TRPC5: variants seen among roughly 807,000 people sequenced by gnomAD.
TRPC5 encodes the protein transient receptor potential cation channel subfamily C member 5.
A neutral mutation model predicts 56.5 loss-of-function variants in TRPC5; 9 were observed. The observed-to-expected ratio is 0.16, with a 90% confidence interval of 0.10 to 0.28. The LOEUF (loss-of-function observed/expected upper bound fraction) is 0.28. TRPC5 is among the 10% of genes least tolerant of loss of function. The probability of loss-of-function intolerance (pLI) is 1.00; values close to 1 mark genes in which losing one functional copy is unlikely to be tolerated. For missense variants in TRPC5, 469 were observed against 748.9 expected (o/e 0.63, Z 4.36); for synonymous variants, 282 against 278.5 (o/e 1.01, Z -0.13).
At position 111,891,117 on chromosome X, in the gene TRPC5, G is replaced by C. The variant is rs1304566806; in HGVS notation, c.900+21174C>G. On this transcript the variant is annotated intron_variant, in intron 3 of 10. Coordinates refer to ENST00000262839, the MANE Select transcript of TRPC5 (RefSeq NM_012471.3). ...CATTTTCTTTATCCAATCTACCATT[G>C]ATGGGCATTTAGGTTGATTCCATGT... 1.2e-4 allele frequency among the ~76,000 whole-genome samples: 13 copies of C among 111,989 alleles called. No individual in the cohort carries two copies. The Admixed American group carries it at 1.2e-3, about 11-fold the overall frequency.
chrX:112,076,463 G>T (rs1235003813), intron 1 of TRPC5, among the ~76,000 whole-genome samples: 1 of 111,360 alleles, frequency 9.0e-6, no homozygotes, highest in Non-Finnish European at 1.9e-5. Flanking sequence ...CTACAAAATA[G>T]TAATAGCTAT....
intron 1 of TRPC5, among the ~76,000 whole-genome samples, chrX:112,046,190 C>A (rs1224579505): frequency 5.2e-5 from 5 of 96,246 alleles, no homozygotes; most frequent in African/African-American, 2.3e-4. Flanking sequence ...TACCGCCACC[C>A]CCACCTTTTT....
chrX:111,970,782 T>A (rs1277857761), intron 1 of TRPC5, among the ~76,000 whole-genome samples: 2 of 106,311 alleles, frequency 1.9e-5, no homozygotes, highest in East Asian at 5.8e-4. Context: ...ACCGTTTTTT[T>A]TTTTTTTGAC....
In TRPC5 at chrX:111,770,129, G is replaced by T. The variant is rs1219340095; in HGVS notation, c.*6184C>A. ...TTTATGTTTATTCCAAATTTATGAG[G>T]CTAAAAGATGACAGCAGATACATAA... On this transcript the variant is annotated 3_prime_UTR_variant, in exon 11 of 11. Coordinates refer to ENST00000262839, the MANE Select transcript of TRPC5 (RefSeq NM_012471.3). Among the ~76,000 whole-genome samples, 2 of 111,866 alleles carry T rather than the reference G, an allele frequency of 1.8e-5. No homozygotes were observed. Among genetic ancestry groups the T allele is most frequent in the Admixed American group, 1.9e-4 (2 of 10,532 alleles).
rs754547890 is a variant in TRPC5 at position 111,776,131 on chromosome X, GAAAGTAATAATA to G, written c.*170_*181del. 1.4e-5 allele frequency: 6 copies of G among 420,942 alleles called. No individual in the cohort carries two copies. The highest frequency in any genetic ancestry group is 1.9e-5 in the Non-Finnish European group (5 of 257,453). 34.7% of individuals were successfully genotyped at this position (420,942 alleles called of 1,213,427 possible). On this transcript the variant is annotated 3_prime_UTR_variant, in exon 11 of 11. Coordinates refer to ENST00000262839, the MANE Select transcript of TRPC5 (RefSeq NM_012471.3). The stretch of plus-strand genomic sequence containing the variant: ...AGGTATTAAAAAGGCAAATAATAAT[GAAAGTAATAATA>G]AAACAAGAACAAAAATGGAGAATGT...
rs751026675 is a variant in TRPC5, at chrX:111,830,454, T to C, written c.1896+4467A>G. Among the ~76,000 whole-genome samples, 96 of 111,586 alleles carry C rather than the reference T, an allele frequency of 8.6e-4. 2 individuals carry two copies. The highest frequency in any genetic ancestry group is 3.1e-3 in the African/African-American group (96 of 30,734). ...CATGAGATTTGGGAGGGGCCAGGGA[T>C]GGAATGATATGGTTTGACTGTGTCC... On this transcript the variant is annotated intron_variant, in intron 7 of 10. Coordinates refer to ENST00000262839, the MANE Select transcript of TRPC5 (RefSeq NM_012471.3).
chrX:111,804,603 T>C (rs1231792426), intron 7 of TRPC5, among the ~76,000 whole-genome samples: 1 of 111,661 alleles, frequency 9.0e-6, no homozygotes, highest in African/African-American at 3.3e-5. Flanking sequence ...TATTTTATTC[T>C]TTTTGTAGCA....
At chrX:111,909,478 T>C (rs1484075764) in intron 3 of TRPC5, among the ~76,000 whole-genome samples, 3 of 111,074 alleles carry the variant, frequency 2.7e-5, no homozygotes, top group Non-Finnish European at 5.7e-5. Flanking sequence ...TGCATCCTAG[T>C]GACGATGGAT....
rs1464777474 is a variant in TRPC5, at chrX:111,937,730, G to A, written c.378+14313C>T. Among the ~76,000 whole-genome samples, 55 of 98,709 alleles carry A rather than the reference G, an allele frequency of 5.6e-4. 2 individuals are homozygous for A. The highest frequency in any genetic ancestry group is 2.0e-3 in the African/African-American group (53 of 26,585). 85.7% of individuals were successfully genotyped at this position (98,709 alleles called of 115,157 possible). A position where few individuals can be genotyped will look rare whatever the true frequency, so the allele number is the denominator to read the frequency against. The stretch of plus-strand genomic sequence containing the variant: ...ATCTCTGTTTTGGTACCAGTACCAT[G>A]CTGTTTTGGTTACTGTAGCCTTGTA... On this transcript the variant is annotated intron_variant, in intron 2 of 10. Coordinates refer to ENST00000262839, the MANE Select transcript of TRPC5 (RefSeq NM_012471.3).
intron 6 of TRPC5, among the ~76,000 whole-genome samples, chrX:111,839,651 T>C (rs1420771385): frequency 4.5e-5 from 5 of 112,095 alleles, no homozygotes; most frequent in African/African-American, 1.6e-4. Flanking sequence ...TAAAATGGCA[T>C]AGTGTTTATG....
At chrX:111,944,772 G>A (rs1264345352) in intron 2 of TRPC5, among the ~76,000 whole-genome samples, 1 of 111,232 alleles carries the variant, frequency 9.0e-6, no homozygotes, top group Non-Finnish European at 1.9e-5. Context: ...GTAGTGATGC[G>A]GCTATAAGCC....
intron 1 of TRPC5, among the ~76,000 whole-genome samples, chrX:112,003,744 A>T (rs188401963): frequency 5.0e-4 from 56 of 111,277 alleles, no homozygotes; most frequent in Non-Finnish European, 8.7e-4. Context: ...TCATTTAAGG[A>T]TTTAGGGTTT....
chrX:111,890,766 T>C (rs955161005), intron 3 of TRPC5, among the ~76,000 whole-genome samples: 1 of 111,922 alleles, frequency 8.9e-6, no homozygotes, highest in Non-Finnish European at 1.9e-5. Context: ...GTTTGTTACA[T>C]AGGTAAACCC....
chrX:111,843,074 T>C (rs1352032786), intron 6 of TRPC5, among the ~76,000 whole-genome samples: 1 of 112,260 alleles, frequency 8.9e-6, no homozygotes, highest in African/African-American at 3.2e-5. Context: ...CTGGGAAAAA[T>C]GGGTGAAGGA....
At chrX:111,843,868 G>A (rs979912140) in intron 6 of TRPC5, among the ~76,000 whole-genome samples, 1 of 96,680 alleles carries the variant, frequency 1.0e-5, no homozygotes, top group Non-Finnish European at 2.0e-5. Flanking sequence ...CAAGACAGTG[G>A]GATGAGTGTG....
At chrX:112,019,084 G>A (rs898472382) in intron 1 of TRPC5, among the ~76,000 whole-genome samples, 2 of 112,221 alleles carry the variant, frequency 1.8e-5, no homozygotes, top group African/African-American at 6.5e-5. Flanking sequence ...CCATCTTAAG[G>A]TCCTGATTTG....
At chrX:111,808,223 T>A (rs1278041605) in intron 7 of TRPC5, among the ~76,000 whole-genome samples, 3 of 110,402 alleles carry the variant, frequency 2.7e-5, no homozygotes, top group Non-Finnish European at 5.7e-5. Flanking sequence ...GGGTGGTAAG[T>A]TCCCCCAGTC....
chrX:111,984,919 G>C (rs1357717831), intron 1 of TRPC5, among the ~76,000 whole-genome samples: 1 of 112,173 alleles, frequency 8.9e-6, no homozygotes, highest in Non-Finnish European at 1.9e-5. Context: ...GTGTTAATTT[G>C]CTTAAACAAT....
intron 3 of TRPC5, among the ~76,000 whole-genome samples, chrX:111,881,214 G>A (rs1281927770): frequency 9.9e-6 from 1 of 101,397 alleles, no homozygotes; most frequent in African/African-American, 4.4e-5. Context: ...ATCTCACCCT[G>A]TCACCAGGCT....
Sources: gnomAD v4.1 joint callset for allele counts (sites outside exome capture counted in the v4.1 genomes callset) on GRCh38, gnomAD v4.1.1 for gene constraint, MANE v1.5 for transcripts, NCBI Gene and HGNC (gene_info 2026-07-23, HGNC 2026-07-21) for gene names.